Variants in RIMS2 observed in about 807,000 individuals in gnomAD.
RIMS2 encodes the protein regulating synaptic membrane exocytosis protein 2.
RIMS2 carries 59 observed loss-of-function variants against 174.4 expected under a neutral mutation model. That is an observed-to-expected ratio of 0.34 (90% CI 0.27 to 0.42). The LOEUF is 0.42. Among genes scored for constraint, RIMS2 ranks in the 10% least tolerant of loss-of-function variants. RIMS2 has a pLI of 1.00. For synonymous variants in RIMS2, 606 were observed against 572.5 expected, an observed-to-expected ratio of 1.06 and a Z score of -0.84; for missense variants, 1,620 against 1,666.3, an observed-to-expected ratio of 0.97 and a Z score of 0.48.
At chr8:103,897,798 A>G (rs2099296923) in intron 4 of RIMS2, among the ~76,000 whole-genome samples, 1 of 151,654 alleles carries the variant, frequency 6.6e-6, no homozygotes, top group African/African-American at 2.4e-5. Flanking sequence ...CATAAATTGT[A>G]TATGGCTTCT....
rs1215309780 is a variant in RIMS2 at position 103,936,790 on chromosome 8, C to G, written c.2547+68C>G. Reference sequence around the variant, plus strand: ...TGAATACTTTTATTTATATAACTGTCAGTATAATTTCATTTGTAGAATAGG... The same window carrying G: ...TGAATACTTTTATTTATATAACTGTGAGTATAATTTCATTTGTAGAATAGG... On this transcript the variant is annotated intron_variant, in intron 13 of 23. Coordinates refer to ENST00000504942, the Ensembl canonical transcript of RIMS2. The G allele has an allele frequency of 4.9e-6, 6 of 1,234,228 alleles. No homozygotes were observed. In the Admixed American group the frequency reaches 1.4e-4, roughly 29 times the overall value. 76.5% of individuals were successfully genotyped at this position (1,234,228 alleles called of 1,614,324 possible).
intron 3 of RIMS2, among the ~76,000 whole-genome samples, chr8:103,868,878 T>C (rs2099096291): frequency 6.6e-6 from 1 of 152,156 alleles, no homozygotes; most frequent in African/African-American, 2.4e-5. Context: ...AAAAAACTAA[T>C]ATAAATATAA....
intron 19 of RIMS2, among the ~76,000 whole-genome samples, chr8:104,061,062 G>A (rs1211915452): frequency 6.6e-6 from 1 of 152,232 alleles, no homozygotes; most frequent in Non-Finnish European, 1.5e-5. Flanking sequence ...TTGGTGTGGA[G>A]AGTTCTGTAG....
At chr8:103,951,581 T>C (rs1234396562) in intron 14 of RIMS2, among the ~76,000 whole-genome samples, 5 of 152,316 alleles carry the variant, frequency 3.3e-5, no homozygotes, top group South Asian at 2.1e-4. Flanking sequence ...GATACTGTGC[T>C]TTTCCCATGG....
At chr8:104,123,440 T>C (rs2098402019) in intron 19 of RIMS2, among the ~76,000 whole-genome samples, 2 of 151,990 alleles carry the variant, frequency 1.3e-5, no homozygotes, top group Non-Finnish European at 2.9e-5. Context: ...AAGTATGAAA[T>C]TTTACAGTAG....
intron 3 of RIMS2, among the ~76,000 whole-genome samples, chr8:103,788,770 A>C (rs1330399756): frequency 2.6e-5 from 4 of 152,272 alleles, no homozygotes; most frequent in Admixed American, 6.5e-5. Flanking sequence ...AGAGGCAGGC[A>C]GGCCTCCTTG....
At chr8:103,658,062 C>A (rs1407581319) in intron 1 of RIMS2, among the ~76,000 whole-genome samples, 5 of 152,154 alleles carry the variant, frequency 3.3e-5, no homozygotes, top group African/African-American at 4.8e-5. Flanking sequence ...TGACTAGGAT[C>A]AAGGTCTAAT....
At chr8:104,249,563 A>C (rs1262877589) in exon 22 of RIMS2, 1 of 1,608,818 alleles carries the variant, frequency 6.2e-7, no homozygotes, top group East Asian at 2.2e-5. Flanking sequence ...GCCTTGTTGT[A>C]AAACCAGGTT....
chr8:103,607,619 C>A (rs1158121317), intron 1 of RIMS2, among the ~76,000 whole-genome samples: 5 of 143,384 alleles, frequency 3.5e-5, no homozygotes, highest in South Asian at 4.3e-4. Flanking sequence ...TCCATTCTCC[C>A]CATCACTTTC....
intron 19 of RIMS2, among the ~76,000 whole-genome samples, chr8:104,021,241 A>G (rs542368371): frequency 1.3e-5 from 2 of 152,242 alleles, no homozygotes; most frequent in South Asian, 2.1e-4. Flanking sequence ...ACTGCGAAGT[A>G]TTAATTATTC....
intron 2 of RIMS2, among the ~76,000 whole-genome samples, chr8:103,713,957 A>G (rs527814537): frequency 3.3e-5 from 5 of 152,220 alleles, no homozygotes; most frequent in East Asian, 1.9e-4. Context: ...CCAGTCCACA[A>G]TTCTTACCCA....
chr8:104,062,901 A>G (rs543255279), intron 19 of RIMS2, among the ~76,000 whole-genome samples: 1 of 151,804 alleles, frequency 6.6e-6, no homozygotes, highest in Non-Finnish European at 1.5e-5. Context: ...CAATGGTTTA[A>G]ATTAATTAAC....
At chr8:104,234,892 C>T (rs548646204) in intron 19 of RIMS2, among the ~76,000 whole-genome samples, 33 of 152,218 alleles carry the variant, frequency 2.2e-4, no homozygotes, top group African/African-American at 6.7e-4. Flanking sequence ...CAATTTTTCA[C>T]GGTGTATTCA....
intron 19 of RIMS2, among the ~76,000 whole-genome samples, chr8:104,140,646 T>C (rs1220983784): frequency 1.3e-5 from 2 of 152,160 alleles, no homozygotes; most frequent in African/African-American, 2.4e-5. Flanking sequence ...AAATGTATTC[T>C]TCCTTTTTGT....
At chr8:103,714,579 A>G (rs987006030) in intron 2 of RIMS2, among the ~76,000 whole-genome samples, 10 of 152,180 alleles carry the variant, frequency 6.6e-5, no homozygotes, top group Non-Finnish European at 1.3e-4. Context: ...CTGAGGGGAA[A>G]TTAACATTAG....
intron 3 of RIMS2, chr8:103,819,543 T>G: frequency 6.2e-7 from 1 of 1,613,502 alleles, no homozygotes; most frequent in Non-Finnish European, 8.5e-7. Flanking sequence ...TCTGCAATTC[T>G]GTTTTATCTC....
At position 103,783,021 on chromosome 8, in the gene RIMS2, G is replaced by T. The variant is rs149243133; in HGVS notation, c.698+16484G>T. Among the ~76,000 whole-genome samples the T allele has an allele frequency of 6.5e-4, 99 of 152,194 alleles. 1 individual carries two copies. The highest frequency in any genetic ancestry group is 1.3e-3 in the Non-Finnish European group (88 of 68,000). On this transcript the variant is annotated intron_variant, in intron 3 of 23. Transcript: ENST00000504942. ...ATTAGGGTACAAGCTAGCTTAGCTG[G>T]GTCTTCCCCTTAGGATCTCTGGAGG...
chr8:103,716,702 T>C (rs1489152793), intron 2 of RIMS2, among the ~76,000 whole-genome samples: 2 of 152,174 alleles, frequency 1.3e-5, no homozygotes, highest in East Asian at 3.8e-4. Context: ...TCTGACTTAG[T>C]ATAAAGATTT....
At position 103,953,953 on chromosome 8, in the gene RIMS2, C is replaced by T. The variant is rs148038490; in HGVS notation, c.2702-7112C>T. Among the ~76,000 whole-genome samples the T allele has an allele frequency of 4.2e-4, 64 of 152,150 alleles. No homozygotes were observed. The East Asian group carries it at 0.012, about 28-fold the overall frequency. ...GCAAAAAAAAAGCAGGGGTTGCAAT[C>T]CTAGTCTCTGATGAAACAGACTTTA... On this transcript the variant is annotated intron_variant, in intron 14 of 23. Transcript: ENST00000504942.
Sources: allele counts gnomAD v4.1 joint callset (sites outside exome capture counted in the v4.1 genomes callset), GRCh38; gene constraint gnomAD v4.1.1; transcripts MANE v1.5; gene names NCBI Gene and HGNC (gene_info 2026-07-23, HGNC 2026-07-21).